TSPAN2: variants seen among roughly 807,000 people sequenced by gnomAD.
TSPAN2 encodes tetraspanin-2.
TSPAN2 carries 24 observed loss-of-function variants against 33.3 expected under a neutral mutation model. The ratio of observed to expected loss-of-function variants is 0.72; its 90% CI spans 0.52 to 1.01. The LOEUF (loss-of-function observed/expected upper bound fraction) is 1.01. Among genes scored for constraint, TSPAN2 ranks in the 50% least tolerant of loss-of-function variants. The pLI is 0.00. For missense variants in TSPAN2, 278 were observed against 281.3 expected (o/e 0.99, Z 0.08); for synonymous variants, 114 against 104.5 (o/e 1.09, Z -0.56).
At chr1:115,082,013 T>C (rs1252041021) in intron 1 of TSPAN2, among the ~76,000 whole-genome samples, 1 of 152,200 alleles carries the variant, frequency 6.6e-6, no homozygotes, top group Non-Finnish European at 1.5e-5. Context: ...AAAATATGAA[T>C]AGATATATTT....
intron 1 of TSPAN2, among the ~76,000 whole-genome samples, chr1:115,077,601 G>T (rs1648465694): frequency 6.6e-6 from 1 of 152,218 alleles, no homozygotes. Flanking sequence ...AAGCAAAGTG[G>T]ATGGACAAAA....
At chr1:115,068,023 C>T (rs965048638) in intron 2 of TSPAN2, among the ~76,000 whole-genome samples, 3 of 152,296 alleles carry the variant, frequency 2.0e-5, no homozygotes, top group African/African-American at 4.8e-5. Flanking sequence ...CTAGGCAACA[C>T]GGAGCAACCC....
intron 3 of TSPAN2, 110 bp from the exon 4 acceptor site, chr1:115,060,648 T>G (rs187231326): frequency 1.4e-6 from 1 of 737,312 alleles, no homozygotes; most frequent in Non-Finnish European, 2.3e-6. Flanking sequence ...TGTGGTTCAT[T>G]CATTCATTCA....
rs757811021 is a variant in TSPAN2, at chr1:115,072,927, C to A, written c.150G>T (p.Lys50Asn). 10 of 1,614,086 alleles carry A rather than the reference C, an allele frequency of 6.2e-6. No individual in the cohort carries two copies. The highest frequency in any genetic ancestry group is 8.5e-6 in the Non-Finnish European group (10 of 1,179,940). Reference sequence around the variant, plus strand: ...CACCCACATAGAAATACTCTGGGGACTTGTCCTCTGATGATAACTCCTTTA... The same window carrying A: ...CACCCACATAGAAATACTCTGGGGAATTGTCCTCTGATGATAACTCCTTTA... The part of the protein sequence containing the change: ...GAIKELSSED[K>N]SPEYFYVGLY... Residue 50 changes from lysine (K) to asparagine (N), a missense_variant, in exon 2 of 8, where the codon AAG becomes AAT. Coordinates refer to ENST00000369516, the MANE Select transcript of TSPAN2 (RefSeq NM_005725.6).
At chr1:115,072,514 C>A (rs1383434713) in intron 2 of TSPAN2, among the ~76,000 whole-genome samples, 1 of 152,348 alleles carries the variant, frequency 6.6e-6, no homozygotes, top group South Asian at 2.1e-4. Context: ...GAATGACACA[C>A]TTGTGGTGTA....
chr1:115,070,845 T>C (rs1648141770), intron 2 of TSPAN2, among the ~76,000 whole-genome samples: 1 of 152,234 alleles, frequency 6.6e-6, no homozygotes, highest in Non-Finnish European at 1.5e-5. Flanking sequence ...GTGAAGTCTA[T>C]GAGTCTTTTC....
chr1:115,078,547 C>T (rs939500765), intron 1 of TSPAN2, among the ~76,000 whole-genome samples: 4 of 152,122 alleles, frequency 2.6e-5, no homozygotes, highest in African/African-American at 9.7e-5. Flanking sequence ...TCATGAGGGA[C>T]TAGTGCCCTT....
rs187061267 is a variant in TSPAN2 at position 115,062,161 on chromosome 1, G to A, written c.244C>T (p.Arg82Trp). 7.3e-6 allele frequency: 11 copies of A among 1,507,624 alleles called. No individual in the cohort carries two copies. The highest frequency in any genetic ancestry group is 2.3e-5 in the South Asian group (2 of 87,102). The allele number at this position is 1,507,624 out of a possible 1,614,324, so 93.4% of individuals were successfully genotyped here. The change falls in exon 3 of 8, where the codon CGG (arginine) becomes TGG (tryptophan). Residue 82 changes from arginine to tryptophan, a missense_variant. By Grantham distance (101) the Arg-to-Trp change is moderately radical (BLOSUM62 -3). Coordinates refer to ENST00000369516, the MANE Select transcript of TSPAN2 (RefSeq NM_005725.6). ...VGFFGCCGAM[R>W]ESQCVLGSFF... is the part of the protein sequence containing the mutation. ...GATCCAAGCACACATTGCGACTCCC[G>A]CATGGCTCCGCAGCACCCGAAGAAC...
chr1:115,062,080 G>T lies in TSPAN2; in HGVS notation c.270+55C>A, dbSNP rs182427639. ...GGGCCAGAGGCACTGACTCCCTTCAGATGCAGGCCGCTCCCTCACCCCCAC... is the reference window on the plus strand; with the variant it reads ...GGGCCAGAGGCACTGACTCCCTTCATATGCAGGCCGCTCCCTCACCCCCAC... On this transcript the variant is annotated intron_variant, in intron 3 of 7. Coordinates refer to ENST00000369516, the MANE Select transcript of TSPAN2 (RefSeq NM_005725.6). The T allele has an allele frequency of 1.5e-4, 215 of 1,431,218 alleles. No homozygotes were observed. The African/African-American group carries it at 2.6e-3, about 17-fold the overall frequency. The allele number at this position is 1,431,218 out of a possible 1,614,324, so 88.7% of individuals were successfully genotyped here.
intron 5 of TSPAN2, 39 bp from the exon 6 acceptor site, chr1:115,057,647 G>A (rs373488463): frequency 6.2e-7 from 1 of 1,602,060 alleles, no homozygotes. Context: ...CCAGGCGGGA[G>A]GAGTAGCAGC....
In TSPAN2 at chr1:115,051,816, G is replaced by T. The variant is rs547066767; in HGVS notation, c.601-1261C>A. ...AGGACTCAGTACCAGTGTGTAGCAC[G>T]GGCGACACCCAATGCACTTTTAGTT... On this transcript the variant is annotated intron_variant, in intron 7 of 7. Coordinates refer to ENST00000369516, the MANE Select transcript of TSPAN2 (RefSeq NM_005725.6). 1.2e-4 allele frequency among the ~76,000 whole-genome samples: 18 copies of T among 152,286 alleles called. No individual in the cohort carries two copies. In the South Asian group the frequency reaches 3.7e-3, roughly 32 times the overall value.
At chr1:115,052,817 T>G (rs1399192693) in intron 7 of TSPAN2, among the ~76,000 whole-genome samples, 1 of 152,238 alleles carries the variant, frequency 6.6e-6, no homozygotes, top group Non-Finnish European at 1.5e-5. Context: ...TTTGTAATAC[T>G]ACTGTATATG....
At position 115,049,731 on chromosome 1, in the gene TSPAN2, AT is replaced by A. The variant is rs1675258584; in HGVS notation, c.*758del. ...CATGTTTTTGTATAAGAACAAAAATATTTCCTTAAAAAGTTGTTAAAAGTTT... is the reference window on the plus strand; with the variant it reads ...CATGTTTTTGTATAAGAACAAAAATATTCCTTAAAAAGTTGTTAAAAGTTT... On this transcript the variant is annotated 3_prime_UTR_variant, in exon 8 of 8. Transcript: ENST00000369516. 6.6e-6 allele frequency: 1 copy of A among 152,626 alleles called. No homozygotes were observed. Among genetic ancestry groups the A allele is most frequent in the African/African-American group, 2.4e-5 (1 of 41,468 alleles). The allele number at this position is 152,626 out of a possible 1,614,324, so 9.5% of individuals were successfully genotyped here. A position where few individuals can be genotyped will look rare whatever the true frequency, so the allele number is the denominator to read the frequency against.
At chr1:115,058,445 C>T (rs185541488) in intron 5 of TSPAN2, 41 of 229,142 alleles carry the variant, frequency 1.8e-4, no homozygotes, top group African/African-American at 9.1e-4. Flanking sequence ...GAGGGAGCTG[C>T]GTGGGTATCA....
Position 115,060,873 on chromosome 1 carries a change from C to T in TSPAN2, c.271-335G>A, listed in dbSNP as rs550609381. On this transcript the variant is annotated intron_variant, in intron 3 of 7. Coordinates refer to ENST00000369516, the MANE Select transcript of TSPAN2 (RefSeq NM_005725.6). ...AAAATCCCACCACCTAGAACACCACCTGGCACCTACGTGCTTAGTAAATAC... is the reference window on the plus strand; with the variant it reads ...AAAATCCCACCACCTAGAACACCACTTGGCACCTACGTGCTTAGTAAATAC... 3.3e-5 allele frequency among the ~76,000 whole-genome samples: 5 copies of T among 152,292 alleles called. No homozygotes were observed. In the South Asian group the frequency reaches 1.0e-3, roughly 32 times the overall value.
chr1:115,057,228 T>C (rs1263891998), intron 6 of TSPAN2, among the ~76,000 whole-genome samples: 1 of 152,214 alleles, frequency 6.6e-6, no homozygotes, highest in Non-Finnish European at 1.5e-5. Flanking sequence ...GCTCCATAAA[T>C]GACACCATCA....
intron 6 of TSPAN2, among the ~76,000 whole-genome samples, chr1:115,053,991 C>A (rs1370878106): frequency 1.3e-5 from 2 of 152,154 alleles, no homozygotes; most frequent in Non-Finnish European, 2.9e-5. Flanking sequence ...GCTAGAGGAC[C>A]ATTCTCTCCT....
At position 115,050,490 on chromosome 1, in the gene TSPAN2, T is replaced by A; in HGVS notation, c.666A>T (p.Ter222CysextTer10). The A allele has an allele frequency of 6.2e-7, 1 of 1,613,826 alleles. No homozygotes were observed. Among genetic ancestry groups the A allele is most frequent in the Non-Finnish European group, 8.5e-7 (1 of 1,179,762 alleles). ...TTGCAATTTTCATGTAGAAGTAGCT[T>A]CATATCACATCTCGTGAGTTTCGTA... The part of the protein sequence containing the change: ...CAIRNSRDVI[*>C] Residue 222 changes from the stop codon to cysteine, a stop_lost, in exon 8 of 8, where the codon TGA becomes TGT. Coordinates refer to ENST00000369516, the MANE Select transcript of TSPAN2 (RefSeq NM_005725.6).
rs1213052168 is a variant in TSPAN2, at chr1:115,082,794, AG to A, written c.69+6569del. On this transcript the variant is annotated intron_variant, in intron 1 of 7. Coordinates refer to ENST00000369516, the MANE Select transcript of TSPAN2 (RefSeq NM_005725.6). ...CAGGCTTCAGATTTTCCAAGTTAGCAGCATTTCTTATACCTTATATTCTACA... is the reference window on the plus strand; with the variant it reads ...CAGGCTTCAGATTTTCCAAGTTAGCACATTTCTTATACCTTATATTCTACA... Among the ~76,000 whole-genome samples, 7 of 152,226 alleles carry A rather than the reference AG, an allele frequency of 4.6e-5. No individual in the cohort carries two copies. In the East Asian group the frequency reaches 7.7e-4, roughly 17 times the overall value.
Sources: allele counts gnomAD v4.1 joint callset (sites outside exome capture counted in the v4.1 genomes callset), GRCh38; gene constraint gnomAD v4.1.1; transcripts MANE v1.5; gene names NCBI Gene and HGNC (gene_info 2026-07-23, HGNC 2026-07-21).